CTU2: variants seen among roughly 807,000 people sequenced by gnomAD.
CTU2 encodes cytosolic thiouridylase subunit 2.
A neutral mutation model predicts 64.1 loss-of-function variants in CTU2; 80 were observed. The ratio of observed to expected loss-of-function variants is 1.25; its 90% CI spans 1.04 to 1.50. The LOEUF is 1.50. CTU2 is among the 40% of genes most tolerant of loss of function. The probability of loss-of-function intolerance (pLI) is 0.00; values close to 1 mark genes in which losing one functional copy is unlikely to be tolerated. For synonymous variants in CTU2, 482 were observed against 285.3 expected, an observed-to-expected ratio of 1.69 and a Z score of -6.95; for missense variants, 1,110 against 690.2, an observed-to-expected ratio of 1.61 and a Z score of -6.81.
In CTU2 at chr16:88,713,426, G is replaced by T. The variant is rs1254579916; in HGVS notation, c.852G>T (p.Gly284=). 1.9e-6 allele frequency: 3 copies of T among 1,585,502 alleles called. No individual in the cohort carries two copies. Among genetic ancestry groups the T allele is most frequent in the East Asian group, 2.3e-5 (1 of 44,072 alleles). Residue 284 remains glycine (G), a synonymous_variant, in exon 8 of 15, where the codon GGG becomes GGT. Transcript: ENST00000453996. ...TGACCAACCTGGCGCTGGGTCGAGG[G>T]GCCTTCCTGGCCTGGGATACGGTAG... is the stretch of plus-strand genomic sequence containing the variant. ...KLMTNLALGR[G]AFLAWDTGFS...
chr16:88,706,538 A>C lies in CTU2; in HGVS notation c.8A>C (p.Gln3Pro). 3 of 1,456,032 alleles carry C rather than the reference A, an allele frequency of 2.1e-6. No homozygotes were observed. Among genetic ancestry groups the C allele is most frequent in the Non-Finnish European group, 2.7e-6 (3 of 1,110,940 alleles). 90.2% of individuals were successfully genotyped at this position (1,456,032 alleles called of 1,614,324 possible). A position where few individuals can be genotyped will look rare whatever the true frequency, so the allele number is the denominator to read the frequency against. ...ACGGGACCCGGCGTGCCCATGTGTC[A>C]GGTGGGCGAGGACTACGGGGAGCCG... The part of the protein sequence containing the change: MC[Q>P]VGEDYGEPAP... Residue 3 changes from glutamine to proline, a missense_variant, in exon 1 of 15, where the codon CAG (glutamine) becomes CCG (proline). Coordinates refer to ENST00000453996, the MANE Select transcript of CTU2 (RefSeq NM_001012759.3).
In CTU2 at chr16:88,706,583, C is replaced by T. The variant is rs752306381; in HGVS notation, c.53C>T (p.Pro18Leu). Residue 18 changes from proline (P) to leucine (L), a missense_variant, in exon 1 of 15, where the codon CCG becomes CTG. By Grantham distance (98) the Pro-to-Leu change is moderately conservative. Transcript: ENST00000453996. ...YGEPAPEEPPPAPRPSREQKC... is the reference protein window; with the variant it reads ...YGEPAPEEPPLAPRPSREQKC... ...GAGCCGGCGCCTGAGGAGCCGCCCC[C>T]GGCGCCGCGGCCCAGGTAAGAGCTG... 2.3e-5 allele frequency: 34 copies of T among 1,453,120 alleles called. No individual in the cohort carries two copies. The highest frequency in any genetic ancestry group is 2.8e-5 in the Non-Finnish European group (31 of 1,109,860). 90.0% of individuals were successfully genotyped at this position (1,453,120 alleles called of 1,614,324 possible). A position where few individuals can be genotyped will look rare whatever the true frequency, so the allele number is the denominator to read the frequency against.
Position 88,715,317 on chromosome 16 carries a change from G to A in CTU2, c.*66G>A. 2 of 1,519,606 alleles carry A rather than the reference G, an allele frequency of 1.3e-6. No individual in the cohort carries two copies. The highest frequency in any genetic ancestry group is 1.2e-5 in the South Asian group (1 of 86,412). The allele number at this position is 1,519,606 out of a possible 1,614,324, so 94.1% of individuals were successfully genotyped here. On this transcript the variant is annotated 3_prime_UTR_variant, in exon 15 of 15. Transcript: ENST00000453996. ...CTGGTACACCACACTGGAGCCGGAA[G>A]GCAAGGACGGGGGACTGGCCTCTGA...
At chr16:88,710,134 G>A (rs1206513487) in intron 3 of CTU2, 89 bp from the exon 4 acceptor site, 2 of 1,584,760 alleles carry the variant, frequency 1.3e-6, no homozygotes, top group Non-Finnish European at 8.7e-7. Context: ...GGCCTTTGAG[G>A]ACAGACTCGA....
intron 12 of CTU2, 34 bp from the exon 13 acceptor site, chr16:88,714,826 C>T (rs759692097): frequency 5.5e-5 from 89 of 1,611,980 alleles, no homozygotes; most frequent in Non-Finnish European, 7.5e-5. Flanking sequence ...ATTGAGGTGC[C>T]AAGGTGGGCA....
rs1332329112 is a variant in CTU2, at chr16:88,710,078, C to T, written c.222+62C>T. 2.5e-6 allele frequency: 4 copies of T among 1,589,350 alleles called. 1 individual carries two copies. Among genetic ancestry groups the T allele is most frequent in the Middle Eastern group, 3.3e-4 (2 of 6,028 alleles). ...TGGCCCCTCGAGGTCCCTGCTTGTC[C>T]CTCCCACAGGCAGCCTGGCCTGCTG... is the stretch of plus-strand genomic sequence containing the variant. On this transcript the variant is annotated intron_variant, in intron 3 of 14. Transcript: ENST00000453996.
At position 88,713,662 on chromosome 16, in the gene CTU2, C is replaced by G; in HGVS notation, c.889C>G (p.Arg297Gly). The change falls in exon 9 of 15, where the codon CGG becomes GGG. Residue 297 changes from arginine to glycine, a missense_variant. Coordinates refer to ENST00000453996, the MANE Select transcript of CTU2 (RefSeq NM_001012759.3). ...CCTCCCGCAGGGCTTCTCGGATGAG[C>G]GGCACGGGGACGTGGTGGTGGTGCG... ...LAWDTGFSDE[R>G]HGDVVVVRPM... 6.2e-7 allele frequency: 1 copy of G among 1,612,278 alleles called. No homozygotes were observed.
rs1911708658 is a variant in CTU2 at position 88,714,465 on chromosome 16, G to A, written c.1180G>A (p.Ala394Thr). Residue 394 changes from alanine to threonine, a missense_variant, in exon 11 of 15, where the codon GCC becomes ACC. Ala to Thr is a moderately conservative substitution (Grantham distance 58). Transcript: ENST00000453996. Reference sequence around the variant, plus strand: ...CCCCCGCTGCCTCCTCTGCATGTGTGCCCTGGACGTCGACGCCGCTGGTCT... The same window carrying A: ...CCCCCGCTGCCTCCTCTGCATGTGTACCCTGGACGTCGACGCCGCTGGTCT... Reference protein sequence around the residue: ...SGPRCLLCMCALDVDAADSAT... With the variant: ...SGPRCLLCMCTLDVDAADSAT... 1 of 1,612,614 alleles carries A rather than the reference G, an allele frequency of 6.2e-7. No homozygotes were observed. Among genetic ancestry groups the A allele is most frequent in the East Asian group, 2.2e-5 (1 of 44,870 alleles).
rs573430861 is a variant in CTU2, at chr16:88,712,173, G to A, written c.344-101G>A. 1.7e-5 allele frequency: 17 copies of A among 999,330 alleles called. No homozygotes were observed. In the Middle Eastern group the frequency reaches 6.1e-4, roughly 36 times the overall value. 61.9% of individuals were successfully genotyped at this position (999,330 alleles called of 1,614,324 possible). A position where few individuals can be genotyped will look rare whatever the true frequency, so the allele number is the denominator to read the frequency against. On this transcript the variant is annotated intron_variant, in intron 5 of 14. Transcript: ENST00000453996. Reference sequence around the variant, plus strand: ...GCTCCGCCAGGAAGCACCGCCCTGCGGAGCGAGGCCTCGAAGGGTTTTCCC... The same window carrying A: ...GCTCCGCCAGGAAGCACCGCCCTGCAGAGCGAGGCCTCGAAGGGTTTTCCC...
intron 4 of CTU2, 59 bp downstream of exon 4, chr16:88,710,341 T>A: frequency 1.3e-6 from 2 of 1,575,236 alleles, no homozygotes; most frequent in South Asian, 2.2e-5. Flanking sequence ...GCTGGGGGCC[T>A]CCCTTCTCAG....
chr16:88,714,939 C>T lies in CTU2; in HGVS notation c.1419+13C>T. The stretch of plus-strand genomic sequence containing the variant: ...CATGAAGGACTTGGTGAGTACGTGC[C>T]CACCTGTCCTGGGCCGGGCTTGGGG... On this transcript the variant is annotated intron_variant, in intron 13 of 14. Transcript: ENST00000453996. The T allele has an allele frequency of 6.2e-7, 1 of 1,612,356 alleles. No homozygotes were observed. The highest frequency in any genetic ancestry group is 8.5e-7 in the Non-Finnish European group (1 of 1,179,728).
At chr16:88,706,984 G>A (rs929413702) in intron 1 of CTU2, 152 bp from the exon 2 acceptor site, 6 of 728,992 alleles carry the variant, frequency 8.2e-6, no homozygotes, top group Admixed American at 7.3e-5. Context: ...TTGAAGTTTG[G>A]ACAGAACACA....
chr16:88,714,037 C>T, intron 9 of CTU2, 99 bp from the exon 10 acceptor site: 4 of 1,237,958 alleles, frequency 3.2e-6, no homozygotes, highest in East Asian at 2.3e-5. Flanking sequence ...CCCATGTGGG[C>T]CAGCAGCGTG....
At chr16:88,712,429 G>C (rs747357405) in intron 6 of CTU2, 46 bp downstream of exon 6, 1 of 1,505,080 alleles carries the variant, frequency 6.6e-7, no homozygotes, top group Non-Finnish European at 9.0e-7. Flanking sequence ...TGACCCCTGG[G>C]GGGCACCTGC....
chr16:88,707,834 CCT>C (rs1353155966), intron 2 of CTU2, among the ~76,000 whole-genome samples: 2 of 151,588 alleles, frequency 1.3e-5, no homozygotes, highest in African/African-American at 2.4e-5. Flanking sequence ...ATGGAGTCTC[CCT>C]CTGTCACCCA....
At chr16:88,713,912 A>C in intron 9 of CTU2, 134 bp downstream of exon 9, 1 of 1,300,634 alleles carries the variant, frequency 7.7e-7, no homozygotes, top group Non-Finnish European at 1.1e-6. Flanking sequence ...GCAGTGCTGC[A>C]TCCTCTGAGC....
At chr16:88,713,929 T>G in intron 9 of CTU2, 151 bp downstream of exon 9, 1 of 1,229,548 alleles carries the variant, frequency 8.1e-7, no homozygotes. Flanking sequence ...GAGCCCACCC[T>G]GTGCCGTGAG....
In CTU2 at chr16:88,707,126, A is replaced by C. The variant is rs748512749; in HGVS notation, c.69-10A>C. On this transcript the variant is annotated splice_polypyrimidine_tract_variant and intron_variant, in intron 1 of 14. Coordinates refer to ENST00000453996, the MANE Select transcript of CTU2 (RefSeq NM_001012759.3). ...GTGTTTCTCTCTTCTCCCCCCTCCCATCTCCAAAGCCGTGAGCAGAAGTGT... is the reference window on the plus strand; with the variant it reads ...GTGTTTCTCTCTTCTCCCCCCTCCCCTCTCCAAAGCCGTGAGCAGAAGTGT... The C allele has an allele frequency of 6.2e-7, 1 of 1,613,102 alleles. No homozygotes were observed. Among genetic ancestry groups the C allele is most frequent in the South Asian group, 1.1e-5 (1 of 91,052 alleles).
intron 11 of CTU2, 36 bp downstream of exon 11, chr16:88,714,522 G>A (rs766199815): frequency 1.1e-5 from 18 of 1,612,468 alleles, no homozygotes; most frequent in Non-Finnish European, 1.5e-5. Flanking sequence ...ATGCGGGGAG[G>A]GAGCCAGGGA....
Sources: allele counts gnomAD v4.1 joint callset (sites outside exome capture counted in the v4.1 genomes callset), GRCh38; gene constraint gnomAD v4.1.1; transcripts MANE v1.5; gene names NCBI Gene and HGNC (gene_info 2026-07-23, HGNC 2026-07-21).